The following KATNAL1 variants were observed in gnomAD, a reference collection of about 807,000 sequenced individuals.
KATNAL1 encodes the protein katanin catalytic subunit A1 like 1.
A neutral mutation model predicts 55.2 loss-of-function variants in KATNAL1; 32 were observed. The observed-to-expected ratio is 0.58, with a 90% CI of 0.44 to 0.78. The LOEUF (loss-of-function observed/expected upper bound fraction) is 0.78, where lower values mean the gene tolerates loss of function less well. Among genes scored for constraint, KATNAL1 ranks in the 30% least tolerant of loss-of-function variants. The pLI, the probability that KATNAL1 is intolerant of heterozygous loss-of-function variation, is 0.00. For synonymous variants in KATNAL1, 193 were observed against 193.6 expected (o/e 1.00, Z 0.02); for missense variants, 466 against 600.9 (o/e 0.78, Z 2.35).
At chr13:30,213,097 C>T (rs1327878027) in intron 9 of KATNAL1, among the ~76,000 whole-genome samples, 4 of 152,262 alleles carry the variant, frequency 2.6e-5, no homozygotes, top group South Asian at 2.1e-4. Context: ...TTCTAGCTTC[C>T]GGTACTATGA....
At chr13:30,253,614 G>A (rs1182061916) in intron 4 of KATNAL1, among the ~76,000 whole-genome samples, 2 of 146,106 alleles carry the variant, frequency 1.4e-5, no homozygotes, top group African/African-American at 5.1e-5. Flanking sequence ...GCAGTGAGCT[G>A]AGGTTGTGCC....
chr13:30,257,846 G>C (rs1011438862), intron 3 of KATNAL1, among the ~76,000 whole-genome samples: 2 of 152,074 alleles, frequency 1.3e-5, no homozygotes, highest in Non-Finnish European at 1.5e-5. Context: ...CCTCTGCTTT[G>C]TAAGTCTTCA....
chr13:30,280,061 A>T lies in KATNAL1; in HGVS notation c.323+2T>A. 6.2e-7 allele frequency: 1 copy of T among 1,609,238 alleles called. No homozygotes were observed. Among genetic ancestry groups the T allele is most frequent in the Non-Finnish European group, 8.5e-7 (1 of 1,178,486 alleles). ...CTAAAGAGAATATAAAGTCCTATTT[A>T]CCTGTGTTCTGCAGGAACAGGGGGT... On this transcript the variant is annotated splice_donor_variant, in intron 3 of 10. Transcript: ENST00000380615. LOFTEE classifies it high-confidence loss of function.
intron 3 of KATNAL1, among the ~76,000 whole-genome samples, chr13:30,274,967 A>G (rs369689322): frequency 1.3e-5 from 2 of 150,292 alleles, no homozygotes; most frequent in African/African-American, 4.9e-5. Context: ...ATATTATTCA[A>G]CCTTAAGAGA....
intron 1 of KATNAL1, among the ~76,000 whole-genome samples, chr13:30,286,725 A>T (rs1881813504): frequency 6.6e-6 from 1 of 152,176 alleles, no homozygotes; most frequent in Non-Finnish European, 1.5e-5. Flanking sequence ...ATCCACTGAC[A>T]GCTTGCATTA....
intron 4 of KATNAL1, among the ~76,000 whole-genome samples, chr13:30,247,894 G>C (rs1441595615): frequency 6.6e-6 from 1 of 152,172 alleles, no homozygotes; most frequent in Non-Finnish European, 1.5e-5. Context: ...GTAGTATACA[G>C]AATGGCTAAA....
chr13:30,233,390 GT>G (rs1876304145), intron 6 of KATNAL1, among the ~76,000 whole-genome samples: 1 of 151,994 alleles, frequency 6.6e-6, no homozygotes, highest in Non-Finnish European at 1.5e-5. Context: ...AGAAATTCAA[GT>G]TAAAACCAAA....
At chr13:30,226,950 C>G (rs1375406518) in intron 9 of KATNAL1, among the ~76,000 whole-genome samples, 1 of 152,128 alleles carries the variant, frequency 6.6e-6, no homozygotes, top group African/African-American at 2.4e-5. Flanking sequence ...GTGGTACACA[C>G]CTGTAATCCC....
Position 30,231,396 on chromosome 13 carries a change from G to A in KATNAL1, c.803C>T (p.Thr268Ile), listed in dbSNP as rs1348088700. The change falls in exon 7 of 11, where the codon ACA becomes ATA. Residue 268 changes from threonine (T) to isoleucine (I), a missense_variant. By Grantham distance (89) the Thr-to-Ile change is moderately conservative. This residue lies in a region of KATNAL1 where 213 missense variants were observed against 308.6 expected (regional missense o/e 0.69). Transcript: ENST00000380615. Reference sequence around the variant, plus strand: ...TGTAGAAGACGAAACGTTGAAGAATGTTGTACCACATTCAGTGGCAACAGC... The same window carrying A: ...TGTAGAAGACGAAACGTTGAAGAATATTGTACCACATTCAGTGGCAACAGC... The part of the protein sequence containing the change: ...AKAVATECGT[T>I]FFNVSSSTLT... 2 of 1,609,434 alleles carry A rather than the reference G, an allele frequency of 1.2e-6. No individual in the cohort carries two copies. The highest frequency in any genetic ancestry group is 3.4e-5 in the Admixed American group (2 of 59,408).
intron 7 of KATNAL1, 107 bp downstream of exon 7, chr13:30,231,207 A>G: frequency 1.3e-6 from 1 of 795,422 alleles, no homozygotes. Flanking sequence ...ATTAAAATAG[A>G]ACTACACTGC....
rs182397638 is a variant in KATNAL1, at chr13:30,220,290, G to A, written c.1147+7122C>T. Among the ~76,000 whole-genome samples the A allele has an allele frequency of 4.7e-3, 708 of 152,116 alleles. 8 individuals carry two copies. Among genetic ancestry groups the A allele is most frequent in the Middle Eastern group, 0.017 (5 of 294 alleles). ...AGCCTGGCCAACATGGTGAAACCCC[G>A]TCTCTACTAAAAATACCAAAGTTAG... On this transcript the variant is annotated intron_variant, in intron 9 of 10. Transcript: ENST00000380615.
chr13:30,229,931 A>T (rs1566093992), intron 8 of KATNAL1, among the ~76,000 whole-genome samples: 2 of 139,424 alleles, frequency 1.4e-5, no homozygotes, highest in Admixed American at 8.1e-5. Context: ...CCAAAATATT[A>T]AAAAAAAGAA....
intron 3 of KATNAL1, among the ~76,000 whole-genome samples, chr13:30,270,675 G>A (rs1482513263): frequency 2.0e-5 from 3 of 151,580 alleles, no homozygotes; most frequent in Non-Finnish European, 4.4e-5. Context: ...ATTAAGGGCG[G>A]TGCAAGATGT....
chr13:30,278,576 GTTA>G (rs1881039959), intron 3 of KATNAL1, among the ~76,000 whole-genome samples: 1 of 152,204 alleles, frequency 6.6e-6, no homozygotes, highest in Admixed American at 6.5e-5. Flanking sequence ...ATCAATGTTA[GTTA>G]TTATCTGCGG....
intron 8 of KATNAL1, among the ~76,000 whole-genome samples, chr13:30,229,239 C>T (rs1033831148): frequency 6.6e-6 from 1 of 151,916 alleles, no homozygotes; most frequent in African/African-American, 2.4e-5. Context: ...CAAAGTCCAA[C>T]TTGGCTATCT....
intron 8 of KATNAL1, among the ~76,000 whole-genome samples, chr13:30,230,128 T>C (rs971646343): frequency 6.6e-6 from 1 of 152,164 alleles, no homozygotes; most frequent in Non-Finnish European, 1.5e-5. Context: ...AAACAATGAC[T>C]TGATATTCCT....
chr13:30,283,843 ACATT>A, intron 1 of KATNAL1, 52 bp from the exon 2 acceptor site: 2 of 1,247,844 alleles, frequency 1.6e-6, no homozygotes, highest in South Asian at 3.1e-5. Flanking sequence ...TGACTTTAAA[ACATT>A]TATTATTCTT....
intron 8 of KATNAL1, among the ~76,000 whole-genome samples, chr13:30,227,764 C>CTT (rs148803664): frequency 1.4e-5 from 2 of 148,022 alleles, no homozygotes. Context: ...TTTTTTCTTT[C>CTT]TTTTTTTTTT....
chr13:30,216,556 C>G (rs11843483), intron 9 of KATNAL1, among the ~76,000 whole-genome samples: 216 of 152,346 alleles, frequency 1.4e-3, no homozygotes, highest in African/African-American at 4.9e-3. Context: ...TGGAAAACGT[C>G]TACCTCCACA....
Sources: allele counts gnomAD v4.1 joint callset (sites outside exome capture counted in the v4.1 genomes callset), GRCh38; gene constraint gnomAD v4.1.1; regional missense constraint gnomAD v4.1.1; transcripts MANE v1.5; gene names NCBI Gene and HGNC (gene_info 2026-07-23, HGNC 2026-07-21).